Variants in ABHD3 observed in about 807,000 individuals in gnomAD.
The protein encoded by ABHD3 is phospholipase ABHD3.
ABHD3 carries 46 observed loss-of-function variants against 48.8 expected under a neutral mutation model. That is an observed-to-expected ratio of 0.94 (90% CI 0.74 to 1.20). The LOEUF (loss-of-function observed/expected upper bound fraction) is 1.20. ABHD3 is among the 50% of genes most tolerant of loss of function. The pLI is 0.00. For missense variants in ABHD3, 490 were observed against 497.8 expected (o/e 0.98, Z 0.15); for synonymous variants, 192 against 183.7 (o/e 1.04, Z -0.36).
intron 8 of ABHD3, among the ~76,000 whole-genome samples, chr18:21,654,019 AT>A (rs1192023435): frequency 1.8e-3 from 252 of 139,398 alleles, no homozygotes; most frequent in Non-Finnish European, 1.9e-3. Flanking sequence ...CTAATTTTGT[AT>A]TTTTTTTTTT....
intron 8 of ABHD3, among the ~76,000 whole-genome samples, chr18:21,653,737 T>G (rs1366869990): frequency 8.3e-6 from 1 of 120,368 alleles, no homozygotes; most frequent in African/African-American, 2.8e-5. Context: ...CAAAAAATGT[T>G]AAAAAAAAAA....
At chr18:21,689,840 A>C (rs1295572032) in intron 3 of ABHD3, among the ~76,000 whole-genome samples, 1 of 152,170 alleles carries the variant, frequency 6.6e-6, no homozygotes, top group Non-Finnish European at 1.5e-5. Flanking sequence ...TTGAAGTTTG[A>C]GTGCAGCCAA....
intron 4 of ABHD3, among the ~76,000 whole-genome samples, chr18:21,665,236 C>T (rs564418223): frequency 6.9e-4 from 105 of 151,862 alleles, no homozygotes; most frequent in Non-Finnish European, 1.4e-3. Context: ...TGAGCCACCA[C>T]GTCTGGCCAA....
chr18:21,690,462 C>A (rs1050862235), intron 3 of ABHD3, among the ~76,000 whole-genome samples: 13 of 149,542 alleles, frequency 8.7e-5, no homozygotes, highest in Non-Finnish European at 5.9e-5. Context: ...ATTAGCCAGG[C>A]GTGGTGGCAG....
chr18:21,675,784 A>T (rs1467724489), intron 4 of ABHD3, among the ~76,000 whole-genome samples: 1 of 152,158 alleles, frequency 6.6e-6, no homozygotes, highest in East Asian at 1.9e-4. Context: ...TATATTAACC[A>T]TTATTTAAAA....
intron 8 of ABHD3, among the ~76,000 whole-genome samples, chr18:21,653,774 C>T (rs2039283118): frequency 6.8e-6 from 1 of 147,386 alleles, no homozygotes; most frequent in Non-Finnish European, 1.5e-5. Context: ...TGGTGGCATG[C>T]ACTTGTAGTC....
At chr18:21,694,434 A>G (rs997139985) in intron 3 of ABHD3, among the ~76,000 whole-genome samples, 1 of 152,198 alleles carries the variant, frequency 6.6e-6, no homozygotes, top group Admixed American at 6.5e-5. Context: ...CAACTTTTAA[A>G]TAATCTCCTA....
At chr18:21,651,843 G>C in intron 8 of ABHD3, 80 bp from the exon 9 acceptor site, 2 of 1,266,092 alleles carry the variant, frequency 1.6e-6, no homozygotes, top group Non-Finnish European at 2.1e-6. Flanking sequence ...GTCAGGAAAA[G>C]CATATACCTT....
intron 1 of ABHD3, among the ~76,000 whole-genome samples, chr18:21,704,138 C>G (rs11873929): frequency 6.6e-6 from 1 of 152,226 alleles, no homozygotes; most frequent in African/African-American, 2.4e-5. Flanking sequence ...CCACCCGCCT[C>G]GGGCTCCCAA....
intron 3 of ABHD3, among the ~76,000 whole-genome samples, chr18:21,699,464 AAACTTCCAG>A (rs2040458020): frequency 6.6e-6 from 1 of 152,194 alleles, no homozygotes; most frequent in Non-Finnish European, 1.5e-5. Flanking sequence ...GCCTTGCGCC[AAACTTCCAG>A]ATCTATTTTT....
chr18:21,695,295 G>T (rs1303389950), intron 3 of ABHD3, among the ~76,000 whole-genome samples: 2 of 152,204 alleles, frequency 1.3e-5, no homozygotes, highest in Admixed American at 1.3e-4. Context: ...CTCCCAAAGT[G>T]CTGGGATTAT....
At chr18:21,652,868 C>T (rs1335884993) in intron 8 of ABHD3, among the ~76,000 whole-genome samples, 5 of 150,584 alleles carry the variant, frequency 3.3e-5, no homozygotes, top group South Asian at 4.2e-4. Flanking sequence ...TCCTGGCCAA[C>T]GTGGTGAAAC....
At chr18:21,652,534 T>C (rs2039248160) in intron 8 of ABHD3, among the ~76,000 whole-genome samples, 1 of 152,002 alleles carries the variant, frequency 6.6e-6, no homozygotes, top group Admixed American at 6.6e-5. Context: ...CCCAGCACTT[T>C]GGGAAGTTGA....
chr18:21,686,588 T>C (rs1490262887), intron 3 of ABHD3, among the ~76,000 whole-genome samples: 1 of 152,206 alleles, frequency 6.6e-6, no homozygotes, highest in Non-Finnish European at 1.5e-5. Context: ...TGGATCATAG[T>C]TCTGGTAGCT....
chr18:21,690,008 AC>A (rs1303330558), intron 3 of ABHD3, among the ~76,000 whole-genome samples: 2 of 151,546 alleles, frequency 1.3e-5, no homozygotes, highest in African/African-American at 4.8e-5. Context: ...TCAAGAGATA[AC>A]CTAACTGGTC....
intron 4 of ABHD3, among the ~76,000 whole-genome samples, chr18:21,676,786 G>A (rs2039894029): frequency 1.3e-5 from 2 of 152,176 alleles, no homozygotes; most frequent in South Asian, 4.1e-4. Flanking sequence ...ATACATTTTG[G>A]GCAGTGCTGC....
intron 4 of ABHD3, among the ~76,000 whole-genome samples, chr18:21,679,081 C>A (rs1244145822): frequency 6.6e-6 from 1 of 152,216 alleles, no homozygotes; most frequent in African/African-American, 2.4e-5. Flanking sequence ...CTGTTAGAGA[C>A]AGTTCCTTCC....
chr18:21,681,878 T>C (rs1200026731), intron 4 of ABHD3, among the ~76,000 whole-genome samples: 1 of 152,126 alleles, frequency 6.6e-6, no homozygotes, highest in African/African-American at 2.4e-5. Context: ...GGCTCACACC[T>C]GGAATCTCAG....
At chr18:21,663,803 G>A in intron 5 of ABHD3, 1 of 1,533,378 alleles carries the variant, frequency 6.5e-7, no homozygotes. Flanking sequence ...GGATGGCTGG[G>A]AGTGCGTCAG....
Sources: allele counts gnomAD v4.1 joint callset (sites outside exome capture counted in the v4.1 genomes callset), GRCh38; gene constraint gnomAD v4.1.1; transcripts MANE v1.5; gene names NCBI Gene and HGNC (gene_info 2026-07-23, HGNC 2026-07-21).